The following BRI3BP variants were observed in gnomAD, a reference collection of about 807,000 sequenced individuals.
BRI3BP encodes the protein BRI3-binding protein.
A neutral mutation model predicts 15.8 loss-of-function variants in BRI3BP; 7 were observed. The ratio of observed to expected loss-of-function variants is 0.44; its 90% CI spans 0.25 to 0.83. The LOEUF (loss-of-function observed/expected upper bound fraction) is 0.83. Ranked by LOEUF, BRI3BP falls within the 40% of genes least tolerant of loss-of-function variation. The pLI is 0.20. For synonymous variants in BRI3BP, 192 were observed against 163.5 expected, an observed-to-expected ratio of 1.17 and a Z score of -1.33; for missense variants, 320 against 339.3, an observed-to-expected ratio of 0.94 and a Z score of 0.45.
chr12:125,025,735 G>T lies in BRI3BP; in HGVS notation c.*305G>T. 3 of 236,084 alleles carry T rather than the reference G, an allele frequency of 1.3e-5. No homozygotes were observed. Among genetic ancestry groups the T allele is most frequent in the East Asian group, 8.5e-5 (1 of 11,732 alleles). 14.6% of individuals were successfully genotyped at this position (236,084 alleles called of 1,614,324 possible). Reference sequence around the variant, plus strand: ...AATTTATCTGTGCATAGAGCATAAAGTTAATTTTTTCAAGCATTTAAATAC... The same window carrying T: ...AATTTATCTGTGCATAGAGCATAAATTTAATTTTTTCAAGCATTTAAATAC... On this transcript the variant is annotated 3_prime_UTR_variant, in exon 3 of 3. Transcript: ENST00000341446.
In BRI3BP at chr12:124,993,913, G is replaced by T. The variant is rs1453791934; in HGVS notation, c.123G>T (p.Ala41=). The change falls in exon 1 of 3, where the codon GCG becomes GCT. Residue 41 remains alanine, a synonymous_variant. Coordinates refer to ENST00000341446, the MANE Select transcript of BRI3BP (RefSeq NM_080626.6). ...GAQGARGRGG[A]EKNSYRRTVN... Reference sequence around the variant, plus strand: ...AGGGGGCGCGGGGCCGCGGCGGCGCGGAGAAGAACAGCTACCGCCGCACGG... The same window carrying T: ...AGGGGGCGCGGGGCCGCGGCGGCGCTGAGAAGAACAGCTACCGCCGCACGG... The T allele has an allele frequency of 1.5e-6, 2 of 1,302,642 alleles. No homozygotes were observed. The highest frequency in any genetic ancestry group is 9.8e-7 in the Non-Finnish European group (1 of 1,017,038). The allele number at this position is 1,302,642 out of a possible 1,614,324, so 80.7% of individuals were successfully genotyped here.
chr12:125,028,133 T>G lies in BRI3BP; in HGVS notation c.*2703T>G, dbSNP rs975423381. The stretch of plus-strand genomic sequence containing the variant: ...AGGTCATCTCTATCTTCTTTCCTTT[T>G]GTGCATTTGGCTATACCACGTTTAG... On this transcript the variant is annotated 3_prime_UTR_variant, in exon 3 of 3. Transcript: ENST00000341446. 1.3e-5 allele frequency: 2 copies of G among 152,264 alleles called. No homozygotes were observed. The highest frequency in any genetic ancestry group is 4.8e-5 in the African/African-American group (2 of 41,474). The allele number at this position is 152,264 out of a possible 1,614,324, so 9.4% of individuals were successfully genotyped here. A position where few individuals can be genotyped will look rare whatever the true frequency, so the allele number is the denominator to read the frequency against.
At chr12:125,016,636 C>T (rs1301522292) in intron 2 of BRI3BP, among the ~76,000 whole-genome samples, 2 of 151,966 alleles carry the variant, frequency 1.3e-5, no homozygotes, top group Non-Finnish European at 1.5e-5. Context: ...AGTGATTCTC[C>T]TGCCCCAGCC....
intron 1 of BRI3BP, among the ~76,000 whole-genome samples, chr12:125,010,258 C>T (rs186581715): frequency 5.3e-5 from 8 of 152,192 alleles, no homozygotes; most frequent in African/African-American, 1.9e-4. Context: ...GGAAACCCTG[C>T]AGCCCCAGAG....
rs1401227062 is a variant in BRI3BP at position 125,030,327 on chromosome 12, C to T, written c.*4897C>T. On this transcript the variant is annotated 3_prime_UTR_variant, in exon 3 of 3. Transcript: ENST00000341446. The stretch of plus-strand genomic sequence containing the variant: ...CTTTTTTATTTTTAATGGTCTATAC[C>T]TTCTGCAACATTTTTGTTTATGGCC... The T allele has an allele frequency of 6.6e-6, 1 of 152,140 alleles. No individual in the cohort carries two copies. The highest frequency in any genetic ancestry group is 6.5e-5 in the Admixed American group (1 of 15,268). 9.4% of individuals were successfully genotyped at this position (152,140 alleles called of 1,614,324 possible).
chr12:124,997,002 GC>G (rs1239207337), intron 1 of BRI3BP, among the ~76,000 whole-genome samples: 1 of 150,108 alleles, frequency 6.7e-6, no homozygotes, highest in East Asian at 2.0e-4. Context: ...CTCGTAATCC[GC>G]CCTCCTCAGC....
At chr12:125,033,888 G>A (rs1955423807), downstream of BRI3BP, among the ~76,000 whole-genome samples, 2 of 151,552 alleles carry the variant, frequency 1.3e-5, no homozygotes, top group Non-Finnish European at 2.9e-5. Context: ...GATTACAGGC[G>A]CACACCACCA....
the BRI3BP span, among the ~76,000 whole-genome samples, chr12:125,047,712 T>C: frequency 6.6e-6 from 1 of 152,134 alleles, no homozygotes; most frequent in Non-Finnish European, 1.5e-5. Flanking sequence ...TATTTATTTT[T>C]TTGAGACTGA....
rs1046349268 is a variant in BRI3BP at position 125,029,899 on chromosome 12, G to A, written c.*4469G>A. ...GGGGTGGTCCCCTCTGGGGAGCTGA[G>A]TAAGAACGCAAAGGTTTGGGTCAGT... On this transcript the variant is annotated 3_prime_UTR_variant, in exon 3 of 3. Transcript: ENST00000341446. 2 of 152,316 alleles carry A rather than the reference G, an allele frequency of 1.3e-5. No individual in the cohort carries two copies. Among genetic ancestry groups the A allele is most frequent in the Non-Finnish European group, 2.9e-5 (2 of 68,070 alleles). 9.4% of individuals were successfully genotyped at this position (152,316 alleles called of 1,614,324 possible).
rs199930175 is a variant in BRI3BP at position 125,012,528 on chromosome 12, C to A, written c.214-6C>A. On this transcript the variant is annotated splice_region_variant and splice_polypyrimidine_tract_variant and intron_variant, in intron 1 of 2. Transcript: ENST00000341446. ...TTGGGTGATGACCGTTTTCTTGTTT[C>A]TGCAGTTCTTGGCCAGGCTGACTGA... 5.7e-4 allele frequency: 908 copies of A among 1,591,362 alleles called. 7 individuals carry two copies. Among genetic ancestry groups the A allele is most frequent in the Non-Finnish European group, 9.6e-5 (111 of 1,159,444 alleles).
chr12:125,018,290 C>T (rs1439284103), intron 2 of BRI3BP, among the ~76,000 whole-genome samples: 1 of 152,068 alleles, frequency 6.6e-6, no homozygotes, highest in African/African-American at 2.4e-5. Flanking sequence ...TGTGTGTCCC[C>T]GTATTCATCT....
intron 1 of BRI3BP, among the ~76,000 whole-genome samples, chr12:125,003,323 C>T (rs1436099433): frequency 6.6e-6 from 1 of 152,140 alleles, no homozygotes; most frequent in African/African-American, 2.4e-5. Context: ...TGATGAAATC[C>T]CAGGCTTGAA....
chr12:125,046,221 G>A, the BRI3BP span, among the ~76,000 whole-genome samples: 1 of 151,706 alleles, frequency 6.6e-6, no homozygotes, highest in Admixed American at 6.6e-5. Flanking sequence ...ATATATAACT[G>A]ACACATAAGT....
chr12:125,024,824 C>T lies in BRI3BP; in HGVS notation c.317-167C>T, dbSNP rs141232069. Reference sequence around the variant, plus strand: ...AAAAAAAAGAGGCTTCCCTGTGTGTCCTCATGGAGCAAAGTGTGACTATTC... The same window carrying T: ...AAAAAAAAGAGGCTTCCCTGTGTGTTCTCATGGAGCAAAGTGTGACTATTC... On this transcript the variant is annotated intron_variant, in intron 2 of 2. Coordinates refer to ENST00000341446, the MANE Select transcript of BRI3BP (RefSeq NM_080626.6). 3.7e-3 allele frequency among the ~76,000 whole-genome samples: 560 copies of T among 152,242 alleles called. 2 individuals are homozygous for T. Among genetic ancestry groups the T allele is most frequent in the African/African-American group, 0.013 (544 of 41,554 alleles).
At chr12:124,997,192 CT>C (rs71851305) in intron 1 of BRI3BP, among the ~76,000 whole-genome samples, 24 of 92,176 alleles carry the variant, frequency 2.6e-4, no homozygotes, top group Admixed American at 2.4e-4. Flanking sequence ...CTTTACTTCT[CT>C]TTTTTTTTTG....
At chr12:125,001,775 T>G (rs1955093959) in intron 1 of BRI3BP, among the ~76,000 whole-genome samples, 1 of 152,216 alleles carries the variant, frequency 6.6e-6, no homozygotes, top group African/African-American at 2.4e-5. Context: ...GTTTATTCAT[T>G]GAAAGCTCAG....
chr12:125,003,379 T>C (rs1242471972), intron 1 of BRI3BP, among the ~76,000 whole-genome samples: 2 of 152,180 alleles, frequency 1.3e-5, no homozygotes, highest in Non-Finnish European at 2.9e-5. Context: ...GCCTTGTTTG[T>C]CTGAGTCCTC....
chr12:125,031,350 A>G (rs1955404464), downstream of BRI3BP: 2 of 152,202 alleles, frequency 1.3e-5, no homozygotes, highest in South Asian at 2.1e-4. Context: ...AGGTTGCAAG[A>G]TAAAATACAG....
intron 2 of BRI3BP, among the ~76,000 whole-genome samples, chr12:125,023,969 A>T (rs1955323196): frequency 6.6e-6 from 1 of 152,068 alleles, no homozygotes; most frequent in African/African-American, 2.4e-5. Flanking sequence ...TACTTGGGAG[A>T]CTGAGGCAGG....
Sources: gnomAD v4.1 joint callset for allele counts (sites outside exome capture counted in the v4.1 genomes callset) on GRCh38, gnomAD v4.1.1 for gene constraint, MANE v1.5 for transcripts, NCBI Gene and HGNC (gene_info 2026-07-23, HGNC 2026-07-21) for gene names.